Variants in STX3 observed in about 807,000 individuals in gnomAD.
The protein encoded by STX3 is syntaxin-3.
Under a neutral mutation model 40.2 loss-of-function variants are expected in STX3, and 19 were observed. The ratio of observed to expected loss-of-function variants is 0.47; its 90% CI spans 0.33 to 0.69. STX3 has a LOEUF of 0.69. STX3 is among the 30% of genes least tolerant of loss of function. The probability of loss-of-function intolerance (pLI) is 0.02; values close to 1 mark genes in which losing one functional copy is unlikely to be tolerated. For synonymous variants in STX3, 122 were observed against 132.2 expected, an observed-to-expected ratio of 0.92 and a Z score of 0.53; for missense variants, 364 against 366.7, an observed-to-expected ratio of 0.99 and a Z score of 0.06.
chr11:59,788,041 A>G (rs958445247), intron 3 of STX3, among the ~76,000 whole-genome samples: 1 of 151,754 alleles, frequency 6.6e-6, no homozygotes, highest in African/African-American at 2.4e-5. Flanking sequence ...AGCCAGAGCA[A>G]CTCTGTCTGG....
chr11:59,800,990 A>T lies in STX3; in HGVS notation c.*166A>T. 6.5e-7 allele frequency: 1 copy of T among 1,531,186 alleles called. No individual in the cohort carries two copies. The highest frequency in any genetic ancestry group is 1.4e-5 in the African/African-American group (1 of 73,080). The allele number at this position is 1,531,186 out of a possible 1,614,324, so 94.8% of individuals were successfully genotyped here. ...CACCCTTGGACCTGACTCAGCTAAC[A>T]ATCTAGCCCTGGGGGAATGTGATCT... On this transcript the variant is annotated 3_prime_UTR_variant, in exon 11 of 11. Transcript: ENST00000337979.
chr11:59,801,510 A>C lies in STX3; in HGVS notation c.*686A>C. On this transcript the variant is annotated 3_prime_UTR_variant, in exon 11 of 11. Transcript: ENST00000337979. Reference sequence around the variant, plus strand: ...ACTCAAGGAGGGACCAGGATGATACAGTCATCTGAGGTTATGCTTTGCAAA... The same window carrying C: ...ACTCAAGGAGGGACCAGGATGATACCGTCATCTGAGGTTATGCTTTGCAAA... The C allele has an allele frequency of 4.1e-6, 4 of 985,556 alleles. No individual in the cohort carries two copies. Among genetic ancestry groups the C allele is most frequent in the Non-Finnish European group, 4.8e-6 (4 of 830,024 alleles). The allele number at this position is 985,556 out of a possible 1,614,324, so 61.1% of individuals were successfully genotyped here. A position where few individuals can be genotyped will look rare whatever the true frequency, so the allele number is the denominator to read the frequency against.
Position 59,767,361 on chromosome 11 carries a change from A to C in STX3, c.31-5850A>C, listed in dbSNP as rs529897460. On this transcript the variant is annotated intron_variant, in intron 1 of 10. Transcript: ENST00000337979. ...TTTTATTGTGGCTGATATTGCAGCT[A>C]CTGTAATGTTCCTATTACCAGATAT... 9.8e-5 allele frequency among the ~76,000 whole-genome samples: 15 copies of C among 152,318 alleles called. 1 individual carries two copies. In the South Asian group the frequency reaches 2.9e-3, roughly 29 times the overall value.
At chr11:59,784,391 T>C (rs182719730) in intron 2 of STX3, among the ~76,000 whole-genome samples, 2 of 152,338 alleles carry the variant, frequency 1.3e-5, no homozygotes, top group East Asian at 1.9e-4. Context: ...AAGACAGTTA[T>C]GTGGTGGAAC....
intron 1 of STX3, among the ~76,000 whole-genome samples, chr11:59,761,213 A>T (rs1420756878): frequency 6.6e-6 from 1 of 152,304 alleles, no homozygotes; most frequent in East Asian, 1.9e-4. Context: ...TAGAAAGACA[A>T]TGAAGGCGAA....
At chr11:59,787,339 C>G (rs1301044070) in intron 3 of STX3, among the ~76,000 whole-genome samples, 1 of 152,170 alleles carries the variant, frequency 6.6e-6, no homozygotes, top group Non-Finnish European at 1.5e-5. Flanking sequence ...TTCATGGTCC[C>G]ACTCCAACCA....
rs1032787071 is a variant in STX3, at chr11:59,774,025, A to G, written c.114+731A>G. 1.1e-4 allele frequency among the ~76,000 whole-genome samples: 17 copies of G among 151,406 alleles called. No individual in the cohort carries two copies. The East Asian group carries it at 3.1e-3, about 28-fold the overall frequency. ...ATTATAGTCCCTCTGACTTAATTCT[A>G]GTGGTAACTGAGAAACCAAACTGCC... On this transcript the variant is annotated intron_variant, in intron 2 of 10. Transcript: ENST00000337979.
intron 10 of STX3, chr11:59,799,722 A>G (rs181698234): frequency 1.0e-6 from 1 of 985,390 alleles, no homozygotes; most frequent in East Asian, 1.1e-4. Context: ...GGGGATCTAA[A>G]AGTCAGCTTA....
At chr11:59,777,935 T>C (rs2134951817) in intron 2 of STX3, among the ~76,000 whole-genome samples, 1 of 152,260 alleles carries the variant, frequency 6.6e-6, no homozygotes, top group African/African-American at 2.4e-5. Context: ...GTAGAGGCTT[T>C]TAAAATTTTA....
At chr11:59,791,044 TAAG>T (rs776033770) in intron 5 of STX3, among the ~76,000 whole-genome samples, 1 of 150,424 alleles carries the variant, frequency 6.6e-6, no homozygotes, top group African/African-American at 2.5e-5. Flanking sequence ...GAGGATGCGA[TAAG>T]AAGACACATG....
intron 1 of STX3, among the ~76,000 whole-genome samples, chr11:59,760,723 A>G (rs1862986742): frequency 6.6e-6 from 1 of 152,232 alleles, no homozygotes; most frequent in African/African-American, 2.4e-5. Context: ...TTGAGATATT[A>G]TTCTCGTTTT....
intron 8 of STX3, among the ~76,000 whole-genome samples, chr11:59,794,502 TC>T (rs1172848933): frequency 6.6e-6 from 1 of 152,098 alleles, no homozygotes; most frequent in Non-Finnish European, 1.5e-5. Flanking sequence ...CTGGATGCTT[TC>T]CCCCCATTCC....
Position 59,790,547 on chromosome 11 carries a change from G to A in STX3, c.318G>A (p.Glu106=), listed in dbSNP as rs142839021. The change falls in exon 5 of 11, where the codon GAG becomes GAA. Residue 106 remains glutamate (E), a synonymous_variant. Transcript: ENST00000337979. ...KSMEKHIEED[E]VRSSADLRIR... is the part of the protein sequence containing the mutation. ...TGGAGAAGCATATTGAAGAAGATGA[G>A]GTCAGGTCATCGGCAGACCTTCGGA... 7.1e-5 allele frequency: 115 copies of A among 1,614,050 alleles called. No homozygotes were observed. In the African/African-American group the frequency reaches 1.4e-3, roughly 19 times the overall value.
chr11:59,773,449 A>C (rs1863772288), intron 2 of STX3, among the ~76,000 whole-genome samples, 155 bp downstream of exon 2: 1 of 152,136 alleles, frequency 6.6e-6, no homozygotes. Flanking sequence ...AAATAACATT[A>C]TTTTCAATAT....
intron 10 of STX3, 73 bp downstream of exon 10, chr11:59,797,469 T>G (rs1295350337): frequency 5.5e-6 from 6 of 1,085,682 alleles, no homozygotes; most frequent in Non-Finnish European, 8.3e-6. Flanking sequence ...GATTTCAAAT[T>G]CCTCTTCTTT....
intron 2 of STX3, among the ~76,000 whole-genome samples, chr11:59,782,484 G>A (rs961982292): frequency 2.0e-5 from 3 of 152,124 alleles, no homozygotes; most frequent in Admixed American, 1.3e-4. Context: ...GGCATGTATT[G>A]TCTAATTTAA....
chr11:59,800,959 T>A lies in STX3; in HGVS notation c.*135T>A. The A allele has an allele frequency of 1.3e-6, 2 of 1,535,818 alleles. No homozygotes were observed. Among genetic ancestry groups the A allele is most frequent in the Non-Finnish European group, 1.7e-6 (2 of 1,146,632 alleles). ...AGTGCGACCCGTTCCTTTGTTTCCT[T>A]GCAACCACCCTTGGACCTGACTCAG... On this transcript the variant is annotated 3_prime_UTR_variant, in exon 11 of 11. Coordinates refer to ENST00000337979, the MANE Select transcript of STX3 (RefSeq NM_004177.5).
chr11:59,784,490 T>G (rs1041137168), intron 2 of STX3, among the ~76,000 whole-genome samples: 6 of 152,166 alleles, frequency 3.9e-5, no homozygotes, highest in African/African-American at 1.4e-4. Context: ...TGTGAGTGTA[T>G]TAGTTTGTTT....
At chr11:59,781,271 C>T (rs1590793572) in intron 2 of STX3, 1 of 1,470,972 alleles carries the variant, frequency 6.8e-7, no homozygotes, top group Admixed American at 1.7e-5. Context: ...TGAGCTTGGT[C>T]ATTCTCTTAA....
Sources: gnomAD v4.1 joint callset for allele counts (sites outside exome capture counted in the v4.1 genomes callset) on GRCh38, gnomAD v4.1.1 for gene constraint, MANE v1.5 for transcripts, NCBI Gene and HGNC (gene_info 2026-07-23, HGNC 2026-07-21) for gene names.